DCAF6: variants seen among roughly 807,000 people sequenced by gnomAD.
DCAF6 encodes the protein DDB1- and CUL4-associated factor 6.
DCAF6 carries 54 observed loss-of-function variants against 125.1 expected under a neutral mutation model. The ratio of observed to expected loss-of-function variants is 0.43; its 90% CI spans 0.35 to 0.54. The LOEUF (loss-of-function observed/expected upper bound fraction) is 0.54, where lower values mean the gene tolerates loss of function less well. DCAF6 is among the 20% of genes least tolerant of loss of function. DCAF6 has a pLI of 0.01. For missense variants in DCAF6, 934 were observed against 1,161.7 expected (o/e 0.80, Z 2.85); for synonymous variants, 371 against 390.4 (o/e 0.95, Z 0.58).
chr1:167,989,302 GT>G (rs992406719), intron 5 of DCAF6, among the ~76,000 whole-genome samples: 1 of 152,100 alleles, frequency 6.6e-6, no homozygotes, highest in African/African-American at 2.4e-5. Flanking sequence ...CTATTTTAGT[GT>G]TTCAGTGTAG....
At chr1:167,918,782 A>G in the DCAF6 span, among the ~76,000 whole-genome samples, 1 of 151,720 alleles carries the variant, frequency 6.6e-6, no homozygotes, top group Non-Finnish European at 1.5e-5. Flanking sequence ...TTTAGTAGAG[A>G]TGGTGTTTCA....
In DCAF6 at chr1:167,966,535, A is replaced by G; in HGVS notation, c.160-94A>G. 10 of 788,508 alleles carry G rather than the reference A, an allele frequency of 1.3e-5. No individual in the cohort carries two copies. The South Asian group carries it at 1.4e-4, about 11-fold the overall frequency. 48.8% of individuals were successfully genotyped at this position (788,508 alleles called of 1,614,324 possible). On this transcript the variant is annotated intron_variant, in intron 2 of 21. Transcript: ENST00000367840. ...ATACTTTTTAACGTATAACCTCATT[A>G]GTGGTAAAAATTTTGTACCGCCAGG...
intron 11 of DCAF6, among the ~76,000 whole-genome samples, chr1:168,022,731 A>C (rs963249133): frequency 6.6e-6 from 1 of 152,206 alleles, no homozygotes; most frequent in African/African-American, 2.4e-5. Flanking sequence ...CCTCTGGTAT[A>C]CGAATTTGAT....
the DCAF6 span, among the ~76,000 whole-genome samples, chr1:167,868,851 G>A: frequency 2.0e-5 from 3 of 152,282 alleles, no homozygotes; most frequent in East Asian, 5.8e-4. Context: ...CCATTTACAT[G>A]CTCAACTGAA....
At chr1:168,002,003 A>G (rs1557958672) in intron 7 of DCAF6, among the ~76,000 whole-genome samples, 1 of 152,214 alleles carries the variant, frequency 6.6e-6, no homozygotes, top group Admixed American at 6.5e-5. Context: ...AAAGGGTCGC[A>G]ATAGATTCTG....
At chr1:167,935,978 G>A, upstream of DCAF6, 1 of 682,558 alleles carries the variant, frequency 1.5e-6, no homozygotes, top group Non-Finnish European at 2.5e-6. Flanking sequence ...CCTTCCCGCG[G>A]CTTTCCCTGC....
At chr1:168,015,495 C>T (rs1684844368) in intron 10 of DCAF6, among the ~76,000 whole-genome samples, 1 of 121,050 alleles carries the variant, frequency 8.3e-6, no homozygotes, top group Admixed American at 7.9e-5. Context: ...ATTTTGAAAT[C>T]TTTTGCTTAT....
intron 12 of DCAF6, among the ~76,000 whole-genome samples, chr1:168,030,776 T>C (rs912067875): frequency 2.6e-5 from 4 of 152,238 alleles, no homozygotes; most frequent in African/African-American, 9.6e-5. Flanking sequence ...CTTAAATCTT[T>C]TGTAAAACAA....
chr1:168,065,847 C>A (rs1490239948), intron 19 of DCAF6, 101 bp downstream of exon 19: 2 of 1,135,250 alleles, frequency 1.8e-6, no homozygotes, highest in Non-Finnish European at 2.4e-6. Context: ...AAGAATAATC[C>A]AAACTATCTG....
At chr1:167,989,604 C>A (rs577095682) in intron 5 of DCAF6, among the ~76,000 whole-genome samples, 6 of 152,128 alleles carry the variant, frequency 3.9e-5, no homozygotes, top group Non-Finnish European at 8.8e-5. Flanking sequence ...ACTGAGGGGC[C>A]GGGCGCGGTG....
At chr1:167,918,287 T>A in the DCAF6 span, 1 of 1,517,746 alleles carries the variant, frequency 6.6e-7, no homozygotes, top group Non-Finnish European at 9.0e-7. Flanking sequence ...AATGGTTTTG[T>A]CCACATCTAG....
chr1:167,988,286 G>A (rs1377566936), intron 5 of DCAF6, among the ~76,000 whole-genome samples: 1 of 151,832 alleles, frequency 6.6e-6, no homozygotes, highest in South Asian at 2.1e-4. Flanking sequence ...TTAGCCTCCC[G>A]AGTAGCTGGG....
chr1:167,871,336 A>C, the DCAF6 span, among the ~76,000 whole-genome samples: 2 of 152,242 alleles, frequency 1.3e-5, no homozygotes, highest in Non-Finnish European at 2.9e-5. Context: ...CATAAGAGCA[A>C]CTTAAATTCT....
intron 1 of DCAF6, among the ~76,000 whole-genome samples, chr1:167,944,490 A>G (rs1157218373): frequency 6.6e-6 from 1 of 152,172 alleles, no homozygotes; most frequent in Non-Finnish European, 1.5e-5. Context: ...TGTCTTTTTA[A>G]TAAAAGACAT....
chr1:167,920,411 T>A, the DCAF6 span: 5 of 923,412 alleles, frequency 5.4e-6, 1 homozygote, highest in Non-Finnish European at 8.0e-6. Flanking sequence ...ACTTAATAAC[T>A]TCCTAGACAT....
the DCAF6 span, chr1:167,878,376 AC>A: frequency 6.5e-7 from 1 of 1,534,706 alleles, no homozygotes; most frequent in African/African-American, 1.4e-5. Context: ...TAAATGGGTG[AC>A]TGCTTTGCTA....
intron 12 of DCAF6, among the ~76,000 whole-genome samples, chr1:168,036,368 TCA>T (rs1357216364): frequency 7.9e-5 from 12 of 152,214 alleles, no homozygotes; most frequent in Non-Finnish European, 1.6e-4. Flanking sequence ...TCTGAGAAAT[TCA>T]GTCTTACACT....
intron 2 of DCAF6, among the ~76,000 whole-genome samples, chr1:167,960,836 A>G (rs1273252017): frequency 6.6e-6 from 1 of 152,202 alleles, no homozygotes; most frequent in Non-Finnish European, 1.5e-5. Flanking sequence ...AGTCTTTGGC[A>G]TCTCTTATAA....
At chr1:167,881,336 G>A in the DCAF6 span, among the ~76,000 whole-genome samples, 2 of 152,306 alleles carry the variant, frequency 1.3e-5, no homozygotes, top group Admixed American at 6.5e-5. Context: ...AATAAAGGGT[G>A]ATGGGTTGAA....
Sources: gnomAD v4.1 joint callset for allele counts (sites outside exome capture counted in the v4.1 genomes callset) on GRCh38, gnomAD v4.1.1 for gene constraint, MANE v1.5 for transcripts, NCBI Gene and HGNC (gene_info 2026-07-23, HGNC 2026-07-21) for gene names.